The following CSMD1 variants were observed in gnomAD, a reference collection of about 807,000 sequenced individuals.
CSMD1 encodes the protein CUB and Sushi multiple domains 1.
In CSMD1, 213 loss-of-function variants were observed where a neutral mutation model predicts 417.5. That is an observed-to-expected ratio of 0.51 (90% CI 0.46 to 0.57). CSMD1 has a LOEUF of 0.57. CSMD1 is among the 20% of genes least tolerant of loss of function. CSMD1 has a pLI of 0.00. For missense variants in CSMD1, 6,923 were observed against 4,529.7 expected (o/e 1.53, Z -15.17); for synonymous variants, 2,862 against 1,736.8 (o/e 1.65, Z -16.11).
rs934630794 is a variant in CSMD1 at position 4,451,973 on chromosome 8, G to T, written c.303-31908C>A. Among the ~76,000 whole-genome samples, 15 of 148,638 alleles carry T rather than the reference G, an allele frequency of 1.0e-4. No individual in the cohort carries two copies. In the East Asian group the frequency reaches 2.0e-3, roughly 19 times the overall value. ...TATAATATATAAATATATATAATTT[G>T]ATATACATATAGTTTGATATATATA... On this transcript the variant is annotated intron_variant, in intron 2 of 69. Transcript: ENST00000635120.
chr8:3,562,486 T>C (rs1264159885), intron 10 of CSMD1, among the ~76,000 whole-genome samples: 1 of 144,248 alleles, frequency 6.9e-6, no homozygotes, highest in Non-Finnish European at 1.5e-5. Context: ...CACATTAAGG[T>C]TGAACACAGA....
At chr8:3,252,118 G>C (rs570822955) in intron 26 of CSMD1, among the ~76,000 whole-genome samples, 2 of 152,188 alleles carry the variant, frequency 1.3e-5, no homozygotes, top group Non-Finnish European at 2.9e-5. Context: ...AGTGGTGAGA[G>C]AGCGCATCCC....
intron 5 of CSMD1, among the ~76,000 whole-genome samples, chr8:3,976,133 G>C (rs1012151316): frequency 1.3e-5 from 2 of 151,680 alleles, no homozygotes; most frequent in South Asian, 2.1e-4. Context: ...CTATATAGTA[G>C]AAATTCTACA....
At position 2,937,862 on chromosome 8, in the gene CSMD1, G is replaced by A. The variant is rs892110552; in HGVS notation, c.*723C>T. On this transcript the variant is annotated 3_prime_UTR_variant, in exon 70 of 70. Transcript: ENST00000635120. ...AAATAATGCTTATATACAATGGATAGTGTGTATAAACCCTGTGTAAATAAT... is the reference window on the plus strand; with the variant it reads ...AAATAATGCTTATATACAATGGATAATGTGTATAAACCCTGTGTAAATAAT... The A allele has an allele frequency of 6.6e-6, 1 of 151,918 alleles. No individual in the cohort carries two copies. The highest frequency in any genetic ancestry group is 2.0e-4 in the East Asian group (1 of 5,074). The allele number at this position is 151,918 out of a possible 1,614,324, so 9.4% of individuals were successfully genotyped here.
chr8:3,950,972 T>G (rs1168977705), intron 5 of CSMD1, among the ~76,000 whole-genome samples: 1 of 152,178 alleles, frequency 6.6e-6, no homozygotes, highest in Non-Finnish European at 1.5e-5. Flanking sequence ...TTTCATCACA[T>G]AACAGTTACA....
intron 10 of CSMD1, among the ~76,000 whole-genome samples, chr8:3,511,819 T>TAACATAACATAACATAACAC (rs1330164115): frequency 5.6e-5 from 8 of 142,424 alleles, no homozygotes; most frequent in African/African-American, 1.8e-4. Flanking sequence ...TAACATAACA[T>TAACATAACATAACATAACAC]AACAATAAAT....
chr8:3,923,245 C>T (rs537507825), intron 5 of CSMD1, among the ~76,000 whole-genome samples: 2 of 152,258 alleles, frequency 1.3e-5, no homozygotes, highest in South Asian at 2.1e-4. Context: ...GGTGAATCTT[C>T]CAGAGTCTGG....
intron 33 of CSMD1, among the ~76,000 whole-genome samples, chr8:3,192,856 A>G (rs868649276): frequency 6.6e-6 from 1 of 152,174 alleles, no homozygotes; most frequent in Non-Finnish European, 1.5e-5. Flanking sequence ...TGCTCAATCC[A>G]TATAACATAA....
intron 39 of CSMD1, among the ~76,000 whole-genome samples, chr8:3,153,718 C>T (rs576511732): frequency 2.0e-5 from 3 of 152,304 alleles, no homozygotes; most frequent in Non-Finnish European, 2.9e-5. Flanking sequence ...AGGACCTCAG[C>T]GTAGACAGCA....
intron 3 of CSMD1, among the ~76,000 whole-genome samples, chr8:4,327,930 T>C (rs1208701617): frequency 1.3e-5 from 2 of 152,178 alleles, no homozygotes; most frequent in African/African-American, 2.4e-5. Context: ...CACCACATAA[T>C]TGGCACATTT....
intron 2 of CSMD1, among the ~76,000 whole-genome samples, chr8:4,567,273 T>C (rs372401471): frequency 2.6e-4 from 40 of 152,282 alleles, no homozygotes; most frequent in African/African-American, 8.4e-4. Flanking sequence ...ATTGTAACGA[T>C]TGTGTTATTT....
At chr8:3,562,145 A>G (rs1799493368) in intron 10 of CSMD1, among the ~76,000 whole-genome samples, 3 of 152,214 alleles carry the variant, frequency 2.0e-5, no homozygotes, top group Admixed American at 2.0e-4. Flanking sequence ...AAAAAAAAAA[A>G]AAATCCACTG....
At chr8:4,171,024 T>C (rs1797735265) in intron 3 of CSMD1, among the ~76,000 whole-genome samples, 1 of 151,858 alleles carries the variant, frequency 6.6e-6, no homozygotes, top group South Asian at 2.1e-4. Flanking sequence ...TGGCCTTCCA[T>C]ATGCAGAATG....
In CSMD1 at chr8:4,062,080, G is replaced by A. The variant is rs1226780602; in HGVS notation, c.416-29981C>T. ...CTGCCGTGGTGGAGCCAGGTGCCAG[G>A]AGAATGGCAAAGCATCACAGAGAAT... On this transcript the variant is annotated intron_variant, in intron 3 of 69. Transcript: ENST00000635120. 3.3e-5 allele frequency among the ~76,000 whole-genome samples: 5 copies of A among 152,212 alleles called. No homozygotes were observed. The East Asian group carries it at 5.8e-4, about 18-fold the overall frequency.
chr8:4,485,470 C>G (rs1235668942), intron 2 of CSMD1, among the ~76,000 whole-genome samples: 1 of 152,118 alleles, frequency 6.6e-6, no homozygotes, highest in Non-Finnish European at 1.5e-5. Flanking sequence ...AAATATGTGT[C>G]TGGGCTGGGC....
intron 49 of CSMD1, among the ~76,000 whole-genome samples, chr8:3,080,906 A>G (rs115920249): frequency 0.012 from 1,899 of 152,278 alleles, 11 homozygotes; most frequent in African/African-American, 0.021. Context: ...ATTTTTCTCT[A>G]AAAATATGAT....
chr8:4,471,038 T>A (rs1476698589), intron 2 of CSMD1, among the ~76,000 whole-genome samples: 3 of 152,186 alleles, frequency 2.0e-5, no homozygotes, highest in African/African-American at 7.2e-5. Flanking sequence ...CTTTTGAACT[T>A]GCAAGGTCTA....
chr8:4,439,940 A>G (rs1269480614), intron 2 of CSMD1, among the ~76,000 whole-genome samples: 1 of 152,216 alleles, frequency 6.6e-6, no homozygotes. Flanking sequence ...ATATGTTTAC[A>G]GTTTCCACAC....
rs35245879 is a variant in CSMD1 at position 3,718,296 on chromosome 8, A to ATT, written c.932-9807_932-9806dup. ...CTTACAAATATTCAGGCATTCCTGC[A>ATT]TTTTTTTTATTGGATTTTTGATGTC... On this transcript the variant is annotated intron_variant, in intron 6 of 69. Coordinates refer to ENST00000635120, the MANE Select transcript of CSMD1 (RefSeq NM_033225.6). Among the ~76,000 whole-genome samples the ATT allele has an allele frequency of 7.4e-3, 1,116 of 151,744 alleles. 5 individuals are homozygous for ATT. Among genetic ancestry groups the ATT allele is most frequent in the Middle Eastern group, 0.031 (9 of 294 alleles).
Sources: allele counts gnomAD v4.1 joint callset (sites outside exome capture counted in the v4.1 genomes callset), GRCh38; gene constraint gnomAD v4.1.1; transcripts MANE v1.5; gene names NCBI Gene and HGNC (gene_info 2026-07-23, HGNC 2026-07-21).